Variants in SLC25A48 observed in about 807,000 individuals in gnomAD.
The protein encoded by SLC25A48 is solute carrier family 25 member 48, also known as CTC-321K16.1.
Under a neutral mutation model 32.2 loss-of-function variants are expected in SLC25A48, and 29 were observed. The ratio of observed to expected loss-of-function variants is 0.90; its 90% CI spans 0.67 to 1.23. SLC25A48 has a LOEUF of 1.23. Among genes scored for constraint, SLC25A48 ranks in the 50% most tolerant of loss-of-function variants. The pLI is 0.00. For missense variants in SLC25A48, 399 were observed against 422.7 expected (o/e 0.94, Z 0.49); for synonymous variants, 164 against 172.3 (o/e 0.95, Z 0.38).
chr5:135,738,199 C>T (rs540123369), intron 3 of SLC25A48, among the ~76,000 whole-genome samples: 2 of 152,204 alleles, frequency 1.3e-5, no homozygotes, highest in South Asian at 2.1e-4. Context: ...TGTAAGGATG[C>T]GAAAAGCAGA....
chr5:135,745,344 C>T (rs935011052), intron 3 of SLC25A48, among the ~76,000 whole-genome samples: 5 of 152,178 alleles, frequency 3.3e-5, no homozygotes, highest in Admixed American at 6.5e-5. Flanking sequence ...ACACCTTGAG[C>T]GGTTTTCCAC....
intron 3 of SLC25A48, among the ~76,000 whole-genome samples, chr5:135,643,994 C>G (rs193110843): frequency 6.6e-6 from 1 of 152,288 alleles, no homozygotes; most frequent in Admixed American, 6.5e-5. Context: ...TTTATTAGAG[C>G]CAGAGGACTG....
At chr5:135,851,986 C>A (rs1256725358) in intron 3 of SLC25A48, among the ~76,000 whole-genome samples, 2 of 152,172 alleles carry the variant, frequency 1.3e-5, no homozygotes, top group Non-Finnish European at 2.9e-5. Context: ...CCCAGGCACC[C>A]CTCGGGGGTC....
intron 4 of SLC25A48, among the ~76,000 whole-genome samples, chr5:135,823,213 A>G (rs1757936822): frequency 6.6e-6 from 1 of 152,146 alleles, no homozygotes; most frequent in South Asian, 2.1e-4. Flanking sequence ...AAGTTCTTCC[A>G]TGGGTCAGGA....
intron 3 of SLC25A48, among the ~76,000 whole-genome samples, chr5:135,731,490 C>T (rs1755221302): frequency 1.3e-5 from 2 of 152,126 alleles, no homozygotes; most frequent in African/African-American, 4.8e-5. Context: ...GGCAATGTTT[C>T]TTGGGGCTGC....
intron 3 of SLC25A48, among the ~76,000 whole-genome samples, chr5:135,794,616 G>C (rs55798589): frequency 0.65 from 98,494 of 150,748 alleles, 34,088 homozygotes; most frequent in Non-Finnish European, 0.77. Flanking sequence ...ATATTTAGGT[G>C]GAGAGAGAAT....
intron 3 of SLC25A48, among the ~76,000 whole-genome samples, chr5:135,767,192 C>CG (rs1554073149): frequency 4.4e-5 from 6 of 136,612 alleles, no homozygotes; most frequent in African/African-American, 1.7e-4. Flanking sequence ...GGTACACCCC[C>CG]CCCCCGTGAT....
chr5:135,640,310 G>A (rs1752801802), intron 3 of SLC25A48, among the ~76,000 whole-genome samples: 1 of 152,108 alleles, frequency 6.6e-6, no homozygotes, highest in Admixed American at 6.5e-5. Flanking sequence ...AGTAATTGGA[G>A]GGCTTCAAAG....
chr5:135,661,370 G>A (rs1199989193), intron 3 of SLC25A48, among the ~76,000 whole-genome samples: 1 of 152,192 alleles, frequency 6.6e-6, no homozygotes, highest in Non-Finnish European at 1.5e-5. Flanking sequence ...CAGTAATGGG[G>A]TTGACAACTG....
At chr5:135,777,166 G>A (rs544017575) in intron 3 of SLC25A48, among the ~76,000 whole-genome samples, 3 of 151,704 alleles carry the variant, frequency 2.0e-5, no homozygotes, top group East Asian at 1.9e-4. Context: ...CACACCCCCC[G>A]TAATATTGTT....
intron 2 of SLC25A48, among the ~76,000 whole-genome samples, chr5:135,634,392 G>T (rs1752649385): frequency 6.6e-6 from 1 of 152,234 alleles, no homozygotes; most frequent in Non-Finnish European, 1.5e-5. Flanking sequence ...AGGAGTGGAA[G>T]TTCTGGCTAA....
intron 3 of SLC25A48, among the ~76,000 whole-genome samples, chr5:135,727,493 G>A (rs1279118957): frequency 1.3e-5 from 2 of 151,870 alleles, no homozygotes; most frequent in Admixed American, 6.6e-5. Flanking sequence ...CCTAACCCTA[G>A]GAAAGATTTT....
At chr5:135,622,130 A>G (rs1752339913) in intron 1 of SLC25A48, among the ~76,000 whole-genome samples, 1 of 152,244 alleles carries the variant, frequency 6.6e-6, no homozygotes, top group African/African-American at 2.4e-5. Flanking sequence ...AAAACAATAT[A>G]TCATTTTTCA....
At chr5:135,841,358 C>G (rs1185024304) in intron 1 of SLC25A48, among the ~76,000 whole-genome samples, 1 of 152,166 alleles carries the variant, frequency 6.6e-6, no homozygotes, top group Non-Finnish European at 1.5e-5. Flanking sequence ...GATGTCTTCA[C>G]TTTTGTGTGC....
chr5:135,851,702 G>C (rs1466190045), intron 3 of SLC25A48, among the ~76,000 whole-genome samples: 1 of 152,216 alleles, frequency 6.6e-6, no homozygotes, highest in East Asian at 1.9e-4. Context: ...ACAGCCTGGA[G>C]TCTGCACAAT....
At chr5:135,676,694 T>G (rs1440555464) in intron 3 of SLC25A48, among the ~76,000 whole-genome samples, 1 of 152,066 alleles carries the variant, frequency 6.6e-6, no homozygotes, top group Non-Finnish European at 1.5e-5. Flanking sequence ...ATTATTTGAC[T>G]TTCTTCTTTA....
chr5:135,810,072 G>A (rs781073986), intron 3 of SLC25A48, among the ~76,000 whole-genome samples: 4 of 152,260 alleles, frequency 2.6e-5, no homozygotes, highest in African/African-American at 9.6e-5. Context: ...TCCTGTACTC[G>A]AGTGATCCTC....
At chr5:135,676,018 T>G (rs1019558365) in intron 3 of SLC25A48, among the ~76,000 whole-genome samples, 4 of 151,946 alleles carry the variant, frequency 2.6e-5, no homozygotes, top group Non-Finnish European at 5.9e-5. Flanking sequence ...TTATTTTTGG[T>G]GAACACGAAT....
At chr5:135,799,300 C>A (rs1190368280) in intron 3 of SLC25A48, among the ~76,000 whole-genome samples, 1 of 151,548 alleles carries the variant, frequency 6.6e-6, no homozygotes, top group Non-Finnish European at 1.5e-5. Context: ...TATTGAAGGG[C>A]AGATGTACTC....
Sources: gnomAD v4.1 joint callset for allele counts (sites outside exome capture counted in the v4.1 genomes callset) on GRCh38, gnomAD v4.1.1 for gene constraint, MANE v1.5 for transcripts, NCBI Gene and HGNC (gene_info 2026-07-23, HGNC 2026-07-21) for gene names.